Variants in MECOM observed in about 807,000 individuals in gnomAD.
The protein encoded by MECOM is MDS1 and EVI1 complex locus.
In MECOM, 13 loss-of-function variants were observed where a neutral mutation model predicts 116.3. That is an observed-to-expected ratio of 0.11 (90% CI 0.07 to 0.18). MECOM has a LOEUF of 0.18. Among genes scored for constraint, MECOM ranks in the 10% least tolerant of loss-of-function variants. MECOM has a pLI of 1.00. For missense variants in MECOM, 1,299 were observed against 1,509.0 expected, an observed-to-expected ratio of 0.86 and a Z score of 2.31; for synonymous variants, 528 against 535.2, an observed-to-expected ratio of 0.99 and a Z score of 0.19.
At chr3:169,426,174 T>C (rs1221335090) in intron 1 of MECOM, among the ~76,000 whole-genome samples, 1 of 152,120 alleles carries the variant, frequency 6.6e-6, no homozygotes, top group Non-Finnish European at 1.5e-5. Context: ...TTTGGCTGAG[T>C]TTGCTCCATC....
intron 1 of MECOM, among the ~76,000 whole-genome samples, chr3:169,570,861 G>A (rs1763805967): frequency 6.6e-6 from 1 of 152,134 alleles, no homozygotes; most frequent in African/African-American, 2.4e-5. Flanking sequence ...AGCTACTTAT[G>A]ACAAACCCAC....
At chr3:169,333,614 C>T (rs1477623115) in intron 2 of MECOM, among the ~76,000 whole-genome samples, 2 of 151,996 alleles carry the variant, frequency 1.3e-5, no homozygotes, top group Non-Finnish European at 2.9e-5. Flanking sequence ...ATTTGTATTA[C>T]AAGTAAATAC....
rs780806279 is a variant in MECOM at position 169,212,633 on chromosome 3, A to AATATATAT, written c.376-68802_376-68801insATATATAT. Among the ~76,000 whole-genome samples the AATATATAT allele has an allele frequency of 6.5e-4, 56 of 85,512 alleles. 15 individuals are homozygous for AATATATAT. The highest frequency in any genetic ancestry group is 7.7e-4 in the East Asian group (2 of 2,604). The allele number at this position is 85,512 out of a possible 152,430, so 56.1% of individuals were successfully genotyped here. ...ACATAGTCTTGGTCTTCTAGTCAGC[A>AATATATAT]ATGTATATATATATATATATATATA... On this transcript the variant is annotated intron_variant, in intron 2 of 16. Coordinates refer to ENST00000651503, the MANE Select transcript of MECOM (RefSeq NM_004991.4).
chr3:169,543,353 G>A lies in MECOM; in HGVS notation c.37+119983C>T, dbSNP rs1327999542. Among the ~76,000 whole-genome samples, 8 of 152,332 alleles carry A rather than the reference G, an allele frequency of 5.3e-5. No individual in the cohort carries two copies. In the South Asian group the frequency reaches 8.3e-4, roughly 16 times the overall value. On this transcript the variant is annotated intron_variant, in intron 1 of 16. Coordinates refer to ENST00000651503, the MANE Select transcript of MECOM (RefSeq NM_004991.4). ...ACTTTGGGAGGCCGAGGCAGAGGAC[G>A]GCTTGAGGCTAGGAGTTCTAGACCA...
chr3:169,426,984 A>C (rs918784582), intron 1 of MECOM, among the ~76,000 whole-genome samples: 1 of 152,238 alleles, frequency 6.6e-6, no homozygotes, highest in African/African-American at 2.4e-5. Flanking sequence ...GACATTGAAA[A>C]CCAGAGAAAT....
rs566965187 is a variant in MECOM at position 169,605,017 on chromosome 3, T to G, written c.37+58319A>C. The stretch of plus-strand genomic sequence containing the variant: ...GGGCAAGAGTAGAAATGCTGGTCTT[T>G]GTTTATAGATACCATTAAGAAACAC... On this transcript the variant is annotated intron_variant, in intron 1 of 16. Coordinates refer to ENST00000651503, the MANE Select transcript of MECOM (RefSeq NM_004991.4). Among the ~76,000 whole-genome samples the G allele has an allele frequency of 3.3e-5, 5 of 152,300 alleles. No individual in the cohort carries two copies. In the South Asian group the frequency reaches 1.0e-3, roughly 32 times the overall value.
chr3:169,172,716 T>C (rs1744619709), intron 2 of MECOM, among the ~76,000 whole-genome samples: 1 of 152,162 alleles, frequency 6.6e-6, no homozygotes, highest in South Asian at 2.1e-4. Context: ...CATGTTTGGA[T>C]TTCTAACATG....
At chr3:169,663,164 G>A (rs1466139395) in intron 1 of MECOM, among the ~76,000 whole-genome samples, 172 bp downstream of exon 1, 7 of 151,580 alleles carry the variant, frequency 4.6e-5, no homozygotes, top group Non-Finnish European at 7.4e-5. Context: ...GAGCGCGGGC[G>A]ACCGGGAGCA....
At chr3:169,095,295 T>C (rs781490872) in intron 12 of MECOM, 50 bp from the exon 13 acceptor site, 34 of 1,506,468 alleles carry the variant, frequency 2.3e-5, no homozygotes, top group Non-Finnish European at 2.9e-5. Context: ...AAAAGGTATT[T>C]CTCAAGACTA....
chr3:169,555,523 C>A (rs1761921738), intron 1 of MECOM, among the ~76,000 whole-genome samples: 1 of 152,106 alleles, frequency 6.6e-6, no homozygotes, highest in Admixed American at 6.6e-5. Flanking sequence ...AGCTTTAATC[C>A]AAACAGGGGT....
At chr3:169,384,403 G>C (rs761440013) in intron 1 of MECOM, among the ~76,000 whole-genome samples, 2 of 152,036 alleles carry the variant, frequency 1.3e-5, no homozygotes, top group Non-Finnish European at 2.9e-5. Flanking sequence ...TATACTTTAA[G>C]GTCCAAACAT....
chr3:169,211,203 C>T lies in MECOM; in HGVS notation c.376-67371G>A, dbSNP rs546622627. On this transcript the variant is annotated intron_variant, in intron 2 of 16. Coordinates refer to ENST00000651503, the MANE Select transcript of MECOM (RefSeq NM_004991.4). ...TTCCCAACGTGGCAGTACCATTTTACATTCCTACCAGCAACGTGTGCGATC... is the reference window on the plus strand; with the variant it reads ...TTCCCAACGTGGCAGTACCATTTTATATTCCTACCAGCAACGTGTGCGATC... Among the ~76,000 whole-genome samples, 35 of 152,096 alleles carry T rather than the reference C, an allele frequency of 2.3e-4. 1 individual carries two copies. The highest frequency in any genetic ancestry group is 8.4e-4 in the African/African-American group (35 of 41,442).
intron 5 of MECOM, 70 bp downstream of exon 5, chr3:169,127,774 A>C: frequency 1.4e-6 from 2 of 1,397,936 alleles, no homozygotes; most frequent in Non-Finnish European, 2.0e-6. Context: ...ATCTGCACAA[A>C]GCCTCAAAAT....
chr3:169,370,728 C>A (rs1729947293), intron 2 of MECOM, among the ~76,000 whole-genome samples: 1 of 151,648 alleles, frequency 6.6e-6, no homozygotes, highest in South Asian at 2.1e-4. Flanking sequence ...GGAAAAAGGA[C>A]CTGAATAGAT....
At chr3:169,181,926 G>C (rs1746018064) in intron 2 of MECOM, among the ~76,000 whole-genome samples, 1 of 152,066 alleles carries the variant, frequency 6.6e-6, no homozygotes, top group East Asian at 1.9e-4. Flanking sequence ...CTTTTTTGCA[G>C]GTTATTATGA....
At chr3:169,477,101 G>GTATA (rs1560326556) in intron 1 of MECOM, 8 of 51,556 alleles carry the variant, frequency 1.6e-4, no homozygotes, top group African/African-American at 5.2e-4. Flanking sequence ...GTGTGTGTGT[G>GTATA]TGTGTATATA....
chr3:169,252,507 T>C (rs1756375904), intron 2 of MECOM, among the ~76,000 whole-genome samples: 1 of 150,704 alleles, frequency 6.6e-6, no homozygotes, highest in African/African-American at 2.4e-5. Context: ...TTTTATTTTA[T>C]ATATAACAAA....
At chr3:169,472,555 A>G (rs1191056639) in intron 1 of MECOM, among the ~76,000 whole-genome samples, 14 of 84,122 alleles carry the variant, frequency 1.7e-4, no homozygotes, top group African/African-American at 9.1e-4. Context: ...AAGGAAAAGA[A>G]AAGAGAGGAG....
At chr3:169,482,330 T>TTTTGTTTTTTTC (rs1200151405) in intron 1 of MECOM, among the ~76,000 whole-genome samples, 18 of 128,820 alleles carry the variant, frequency 1.4e-4, no homozygotes, top group African/African-American at 5.6e-4. Flanking sequence ...CCCACGTTCT[T>TTTTGTTTTTTTC]TTTTTTTTTT....
Sources: allele counts gnomAD v4.1 joint callset (sites outside exome capture counted in the v4.1 genomes callset), GRCh38; gene constraint gnomAD v4.1.1; transcripts MANE v1.5; gene names NCBI Gene and HGNC (gene_info 2026-07-23, HGNC 2026-07-21).